Variants in RALGAPA2 observed in about 807,000 individuals in gnomAD.
The protein encoded by RALGAPA2 is Ral GTPase activating protein catalytic subunit alpha 2, also known as ral GTPase-activating protein subunit alpha-2.
In RALGAPA2, 139 loss-of-function variants were observed where a neutral mutation model predicts 230.4. That is an observed-to-expected ratio of 0.60 (90% CI 0.53 to 0.69). The LOEUF is 0.69. Among genes scored for constraint, RALGAPA2 ranks in the 30% least tolerant of loss-of-function variants. The pLI is 0.00. For missense variants in RALGAPA2, 2,163 were observed against 2,276.0 expected (o/e 0.95, Z 1.01); for synonymous variants, 847 against 837.8 (o/e 1.01, Z -0.19).
intron 3 of RALGAPA2, among the ~76,000 whole-genome samples, chr20:20,661,150 C>G (rs1007785631): frequency 6.6e-6 from 1 of 151,998 alleles, no homozygotes; most frequent in African/African-American, 2.4e-5. Flanking sequence ...GGGCTATCAT[C>G]GAATTTTGCT....
At chr20:20,459,829 G>A (rs1405921071) in intron 37 of RALGAPA2, among the ~76,000 whole-genome samples, 1 of 152,238 alleles carries the variant, frequency 6.6e-6, no homozygotes, top group African/African-American at 2.4e-5. Context: ...ATTTGAAGCA[G>A]CAGCTAGAAA....
chr20:20,589,240 A>C (rs1231797570), intron 18 of RALGAPA2, 28 bp downstream of exon 18: 2 of 1,529,524 alleles, frequency 1.3e-6, no homozygotes, highest in Non-Finnish European at 1.8e-6. Flanking sequence ...TTTTAATGAC[A>C]AACTGAAATG....
intron 36 of RALGAPA2, among the ~76,000 whole-genome samples, chr20:20,494,364 T>C (rs1472142176): frequency 6.6e-6 from 1 of 152,236 alleles, no homozygotes; most frequent in Non-Finnish European, 1.5e-5. Context: ...TGGCTTAATA[T>C]GCTAATGTTT....
intron 14 of RALGAPA2, among the ~76,000 whole-genome samples, chr20:20,610,517 C>T (rs952331939): frequency 3.3e-5 from 5 of 152,208 alleles, no homozygotes; most frequent in African/African-American, 1.2e-4. Context: ...CGGGACCTCA[C>T]TTATCCTCTG....
At chr20:20,545,451 G>T (rs2063754626) in intron 24 of RALGAPA2, among the ~76,000 whole-genome samples, 1 of 152,030 alleles carries the variant, frequency 6.6e-6, no homozygotes, top group Non-Finnish European at 1.5e-5. Flanking sequence ...ATAAGAAAAA[G>T]TTAGTGTGTG....
chr20:20,629,898 T>G (rs989616329), intron 9 of RALGAPA2, among the ~76,000 whole-genome samples: 1 of 152,226 alleles, frequency 6.6e-6, no homozygotes, highest in African/African-American at 2.4e-5. Flanking sequence ...ACAGAATAAA[T>G]TAATGTGTAA....
At chr20:20,536,859 CT>C in intron 24 of RALGAPA2, 75 bp from the exon 25 acceptor site, 1 of 1,440,418 alleles carries the variant, frequency 6.9e-7, no homozygotes, top group Non-Finnish European at 9.3e-7. Flanking sequence ...ACATGTTTTA[CT>C]CTTCATCCTA....
chr20:20,700,774 T>C (rs1457164088), intron 1 of RALGAPA2, among the ~76,000 whole-genome samples: 1 of 152,214 alleles, frequency 6.6e-6, no homozygotes, highest in Non-Finnish European at 1.5e-5. Flanking sequence ...GGTCTGATAA[T>C]GAATGTGTGT....
rs1182467016 is a variant in RALGAPA2 at position 20,458,462 on chromosome 20, TTTATATA to T, written c.5495+14360_5495+14366del. On this transcript the variant is annotated intron_variant, in intron 37 of 39. Coordinates refer to ENST00000202677, the MANE Select transcript of RALGAPA2 (RefSeq NM_020343.4). ...TATATTACATATAATACATATGTAT[TTTATATA>T]ATATATAATATATATGTATTTTATA... Among the ~76,000 whole-genome samples the T allele has an allele frequency of 2.5e-3, 338 of 137,000 alleles. 12 individuals carry two copies. The highest frequency in any genetic ancestry group is 6.9e-3 in the East Asian group (32 of 4,656). 89.9% of individuals were successfully genotyped at this position (137,000 alleles called of 152,430 possible).
intron 35 of RALGAPA2, among the ~76,000 whole-genome samples, chr20:20,501,833 T>C (rs749437112): frequency 2.0e-5 from 3 of 152,170 alleles, no homozygotes; most frequent in Non-Finnish European, 2.9e-5. Context: ...CAAGGGGTTA[T>C]TAATTGGCCT....
At chr20:20,540,570 T>C (rs1480375174) in intron 24 of RALGAPA2, among the ~76,000 whole-genome samples, 1 of 152,228 alleles carries the variant, frequency 6.6e-6, no homozygotes, top group Admixed American at 6.5e-5. Context: ...TTCTGAATTT[T>C]TTGAAGTTTA....
chr20:20,683,565 C>T (rs987967983), intron 1 of RALGAPA2, among the ~76,000 whole-genome samples: 4 of 152,160 alleles, frequency 2.6e-5, no homozygotes, highest in Non-Finnish European at 5.9e-5. Context: ...CAGGATGCTA[C>T]CCCCACTCCC....
chr20:20,514,132 T>A (rs1460432262), intron 31 of RALGAPA2, among the ~76,000 whole-genome samples: 1 of 151,052 alleles, frequency 6.6e-6, no homozygotes, highest in African/African-American at 2.4e-5. Context: ...CATGGTATAG[T>A]AGGGCCCTCT....
chr20:20,653,478 A>G (rs2067481185), intron 4 of RALGAPA2, 52 bp downstream of exon 4: 1 of 1,004,184 alleles, frequency 1.0e-6, no homozygotes, highest in Non-Finnish European at 1.5e-6. Flanking sequence ...ACATTACTGA[A>G]AATTCAACTG....
chr20:20,538,639 C>T (rs1333843836), intron 24 of RALGAPA2, among the ~76,000 whole-genome samples: 1 of 152,132 alleles, frequency 6.6e-6, no homozygotes, highest in Non-Finnish European at 1.5e-5. Flanking sequence ...CTTCCCTTTC[C>T]CCCAAAGTAT....
intron 12 of RALGAPA2, among the ~76,000 whole-genome samples, chr20:20,617,020 G>A (rs878913136): frequency 2.6e-5 from 4 of 152,030 alleles, no homozygotes; most frequent in Non-Finnish European, 5.9e-5. Context: ...GCAAAATAAC[G>A]GTGTGTTACC....
intron 28 of RALGAPA2, 23 bp from the exon 29 acceptor site, chr20:20,524,921 A>G (rs1191578035): frequency 5.0e-6 from 8 of 1,584,792 alleles, no homozygotes; most frequent in African/African-American, 1.3e-5. Flanking sequence ...TAAATCCCCA[A>G]TCAAACAGAC....
chr20:20,436,166 C>T (rs1216882556), intron 37 of RALGAPA2, among the ~76,000 whole-genome samples: 1 of 152,186 alleles, frequency 6.6e-6, no homozygotes, highest in Non-Finnish European at 1.5e-5. Flanking sequence ...GTGGACATTG[C>T]TCCCTCTCTC....
intron 37 of RALGAPA2, among the ~76,000 whole-genome samples, chr20:20,450,721 A>T (rs2123156629): frequency 6.6e-6 from 1 of 152,360 alleles, no homozygotes; most frequent in African/African-American, 2.4e-5. Flanking sequence ...TAATGGTCCA[A>T]CAGTCCTTCT....
Sources: gnomAD v4.1 joint callset for allele counts (sites outside exome capture counted in the v4.1 genomes callset) on GRCh38, gnomAD v4.1.1 for gene constraint, MANE v1.5 for transcripts, NCBI Gene and HGNC (gene_info 2026-07-23, HGNC 2026-07-21) for gene names.